The following COL20A1 variants were observed in gnomAD, a reference collection of about 807,000 sequenced individuals.
COL20A1 encodes the protein collagen type XX alpha 1 chain.
Under a neutral mutation model 152.9 loss-of-function variants are expected in COL20A1, and 164 were observed. The observed-to-expected ratio is 1.07, with a 90% CI of 0.94 to 1.22. The LOEUF is 1.22. Ranked by LOEUF, COL20A1 falls within the 50% of genes most tolerant of loss-of-function variation. COL20A1 has a pLI of 0.00. For missense variants in COL20A1, 1,873 were observed against 1,744.8 expected, an observed-to-expected ratio of 1.07 and a Z score of -1.31; for synonymous variants, 864 against 756.0, an observed-to-expected ratio of 1.14 and a Z score of -2.34.
chr20:63,321,533 C>G (rs974669509), intron 26 of COL20A1, among the ~76,000 whole-genome samples: 13 of 152,226 alleles, frequency 8.5e-5, no homozygotes, highest in Non-Finnish European at 1.6e-4. Context: ...TGACGTGGGC[C>G]GGCTGTGAGT....
rs1369711063 is a variant in COL20A1 at position 63,334,578 on chromosome 20, T to G, written c.*3862T>G. ...AACCACAGGCGTGCGCCACCACGCT[T>G]GGCTAATGTTTTTTGTATTTTTTTA... is the stretch of plus-strand genomic sequence containing the variant. On this transcript the variant is annotated 3_prime_UTR_variant, in exon 36 of 36. Transcript: ENST00000358894. 3.3e-5 allele frequency: 5 copies of G among 152,208 alleles called. No individual in the cohort carries two copies. The highest frequency in any genetic ancestry group is 2.6e-4 in the Admixed American group (4 of 15,272). 9.4% of individuals were successfully genotyped at this position (152,208 alleles called of 1,614,324 possible). A position where few individuals can be genotyped will look rare whatever the true frequency, so the allele number is the denominator to read the frequency against.
intron 7 of COL20A1, among the ~76,000 whole-genome samples, 193 bp downstream of exon 7, chr20:63,308,283 G>A (rs1001001067): frequency 3.3e-5 from 5 of 152,212 alleles, no homozygotes; most frequent in African/African-American, 1.2e-4. Context: ...CCAGCGCGTG[G>A]CTCCTCTGTT....
At chr20:63,315,958 A>G (rs1445128124) in intron 20 of COL20A1, among the ~76,000 whole-genome samples, 1 of 152,150 alleles carries the variant, frequency 6.6e-6, no homozygotes, top group South Asian at 2.1e-4. Flanking sequence ...CTTTGTACCA[A>G]TTAGTGCTGG....
rs1231659876 is a variant in COL20A1, at chr20:63,313,347, C to T, written c.2209+98C>T. 2 of 1,328,904 alleles carry T rather than the reference C, an allele frequency of 1.5e-6. No homozygotes were observed. Among genetic ancestry groups the T allele is most frequent in the Non-Finnish European group, 2.0e-6 (2 of 976,706 alleles). 82.3% of individuals were successfully genotyped at this position (1,328,904 alleles called of 1,614,324 possible). A position where few individuals can be genotyped will look rare whatever the true frequency, so the allele number is the denominator to read the frequency against. On this transcript the variant is annotated intron_variant, in intron 17 of 35. Coordinates refer to ENST00000358894, the MANE Select transcript of COL20A1 (RefSeq NM_020882.4). This position sits in a 1 kb window ranked among gnomAD's most constrained non-coding sequence, Gnocchi z 5.9. ...TGCACAGGCCCAGGACCCTAGACTC[C>T]CAGAACTGCTGGCTCCAGAGCCCTG...
chr20:63,325,811 G>C lies in COL20A1; in HGVS notation c.3402+90G>C, dbSNP rs1210584699. The C allele has an allele frequency of 5.0e-6, 6 of 1,204,958 alleles. No individual in the cohort carries two copies. In the South Asian group the frequency reaches 6.6e-5, roughly 13 times the overall value. The allele number at this position is 1,204,958 out of a possible 1,614,324, so 74.6% of individuals were successfully genotyped here. On this transcript the variant is annotated intron_variant, in intron 29 of 35. Coordinates refer to ENST00000358894, the MANE Select transcript of COL20A1 (RefSeq NM_020882.4). ...TTGGAGATGGAGGCTGTGGGGTAGG[G>C]AGGGGGAGGTGCTTTCTCCTGGGCT... is the stretch of plus-strand genomic sequence containing the variant.
In COL20A1 at chr20:63,333,963, A is replaced by G. The variant is rs1354648185; in HGVS notation, c.*3247A>G. 1 of 152,322 alleles carries G rather than the reference A, an allele frequency of 6.6e-6. No homozygotes were observed. The highest frequency in any genetic ancestry group is 1.9e-4 in the East Asian group (1 of 5,200). The allele number at this position is 152,322 out of a possible 1,614,324, so 9.4% of individuals were successfully genotyped here. ...GGGGGAAGCCAGTGTCTGTAGATTC[A>G]GTGCATTTCTTGGGGAAGGGCGTGG... On this transcript the variant is annotated 3_prime_UTR_variant, in exon 36 of 36. Transcript: ENST00000358894.
In COL20A1 at chr20:63,321,001, CTCT is replaced by C. The variant is rs2068154909; in HGVS notation, c.3154-6_3154-4del. ...AGGGTCTCTCTAATGGGCAGGGTCT[CTCT>C]TCTTCCAGAGGGATGGAGAGACCTG... On this transcript the variant is annotated splice_polypyrimidine_tract_variant and intron_variant, in intron 25 of 35. Transcript: ENST00000358894. 5.1e-6 allele frequency: 8 copies of C among 1,559,028 alleles called. No individual in the cohort carries two copies. The highest frequency in any genetic ancestry group is 3.8e-5 in the Admixed American group (2 of 53,098).
In COL20A1 at chr20:63,305,066, T is replaced by A. The variant is rs1802129554; in HGVS notation, c.194-351T>A. Among the ~76,000 whole-genome samples the A allele has an allele frequency of 6.6e-6, 1 of 152,170 alleles. No individual in the cohort carries two copies. Among genetic ancestry groups the A allele is most frequent in the Admixed American group, 6.5e-5 (1 of 15,280 alleles). On this transcript the variant is annotated intron_variant, in intron 3 of 35. Coordinates refer to ENST00000358894, the MANE Select transcript of COL20A1 (RefSeq NM_020882.4). The surrounding 1 kb of genome is among the most constrained non-coding windows in gnomAD (Gnocchi z 4.9). The stretch of plus-strand genomic sequence containing the variant: ...CAGGGCCCTGGCCCCGGACTCTTCC[T>A]TCTTGGACCTGGCCCCTCGGGTCGT...
chr20:63,299,298 A>T (rs564508195), intron 3 of COL20A1, among the ~76,000 whole-genome samples: 42 of 152,300 alleles, frequency 2.8e-4, no homozygotes, highest in African/African-American at 9.4e-4. Flanking sequence ...GTTAGTAGAA[A>T]ATGTTGAACT....
rs1453458763 is a variant in COL20A1 at position 63,305,087 on chromosome 20, G to T, written c.194-330G>T. 2.0e-5 allele frequency among the ~76,000 whole-genome samples: 3 copies of T among 152,130 alleles called. No homozygotes were observed. Among genetic ancestry groups the T allele is most frequent in the Non-Finnish European group, 4.4e-5 (3 of 68,028 alleles). On this transcript the variant is annotated intron_variant, in intron 3 of 35. Coordinates refer to ENST00000358894, the MANE Select transcript of COL20A1 (RefSeq NM_020882.4). The surrounding 1 kb of genome is among the most constrained non-coding windows in gnomAD (Gnocchi z 4.9). ...TTCCTTCTTGGACCTGGCCCCTCGGGTCGTCATCCCCTCCCTGGGCAGCCC... is the reference window on the plus strand; with the variant it reads ...TTCCTTCTTGGACCTGGCCCCTCGGTTCGTCATCCCCTCCCTGGGCAGCCC...
chr20:63,308,031 AG>A lies in COL20A1; in HGVS notation c.718del (p.Glu240AsnfsTer23). On this transcript the variant is annotated frameshift_variant, in exon 7 of 36. Transcript: ENST00000358894. LOFTEE classifies it high-confidence loss of function. ...TGGGACCTGAACTCCCTCAGCACCAAGGAACAGGTGCTGGCAGCTGTGCGCC... is the reference window on the plus strand; with the variant it reads ...TGGGACCTGAACTCCCTCAGCACCAAGAACAGGTGCTGGCAGCTGTGCGCC... ...TEWDLNSLSTKEQVLAAVRRL... is the reference protein window; with the variant it reads ...TEWDLNSLSTXEQVLAAVRRL... The A allele has an allele frequency of 6.2e-7, 1 of 1,612,340 alleles. No individual in the cohort carries two copies. Among genetic ancestry groups the A allele is most frequent in the Non-Finnish European group, 8.5e-7 (1 of 1,179,546 alleles).
intron 3 of COL20A1, among the ~76,000 whole-genome samples, chr20:63,301,086 GGGCAGA>G (rs1317707062): frequency 4.6e-5 from 7 of 152,132 alleles, no homozygotes; most frequent in Non-Finnish European, 1.0e-4. Context: ...AGGCCAAGGT[GGGCAGA>G]TCACTTGAGG....
At chr20:63,320,640 G>A (rs2068149355) in intron 25 of COL20A1, among the ~76,000 whole-genome samples, 1 of 151,944 alleles carries the variant, frequency 6.6e-6, no homozygotes, top group South Asian at 2.1e-4. Flanking sequence ...AGATGAGTCA[G>A]GAAGGGGCAC....
chr20:63,323,961 T>G (rs1330518772), intron 27 of COL20A1, among the ~76,000 whole-genome samples: 1 of 152,258 alleles, frequency 6.6e-6, no homozygotes, highest in African/African-American at 2.4e-5. Flanking sequence ...GTCTTCATGA[T>G]GTTGAATCTT....
chr20:63,310,077 G>A (rs1329486224), intron 10 of COL20A1, among the ~76,000 whole-genome samples, 162 bp downstream of exon 10: 6 of 152,274 alleles, frequency 3.9e-5, no homozygotes, highest in African/African-American at 1.4e-4. Flanking sequence ...GGGGAGCTGC[G>A]TCTGGGAGGC....
intron 3 of COL20A1, among the ~76,000 whole-genome samples, chr20:63,301,127 C>T (rs908237162): frequency 1.3e-5 from 2 of 152,144 alleles, no homozygotes; most frequent in African/African-American, 4.8e-5. Context: ...CCACCCTGTC[C>T]AACATGGCAA....
intron 3 of COL20A1, among the ~76,000 whole-genome samples, chr20:63,301,096 C>T (rs1455401981): frequency 6.6e-6 from 1 of 152,214 alleles, no homozygotes; most frequent in Non-Finnish European, 1.5e-5. Context: ...GGGCAGATCA[C>T]TTGAGGACAG....
intron 30 of COL20A1, 49 bp downstream of exon 30, chr20:63,326,198 T>G: frequency 6.7e-7 from 1 of 1,486,062 alleles, no homozygotes. Context: ...GGTTCCTGTG[T>G]TCCAGGGGTC....
At chr20:63,316,724 G>A (rs1433312296) in intron 21 of COL20A1, 33 bp downstream of exon 21, 4 of 1,492,140 alleles carry the variant, frequency 2.7e-6, no homozygotes, top group Non-Finnish European at 3.6e-6. Context: ...GGAGCTGGAA[G>A]CCCAGGCTGG....
Sources: allele counts gnomAD v4.1 joint callset (sites outside exome capture counted in the v4.1 genomes callset), GRCh38; gene constraint gnomAD v4.1.1; non-coding constraint Gnocchi (gnomAD v3.1); transcripts MANE v1.5; gene names NCBI Gene and HGNC (gene_info 2026-07-23, HGNC 2026-07-21).